Variants in SLC25A48 observed in about 807,000 individuals in gnomAD.
The protein encoded by SLC25A48 is solute carrier family 25 member 48, also known as CTC-321K16.1.
SLC25A48 carries 29 observed loss-of-function variants against 32.2 expected under a neutral mutation model. The ratio of observed to expected loss-of-function variants is 0.90; its 90% CI spans 0.67 to 1.23. SLC25A48 has a LOEUF of 1.23. Among genes scored for constraint, SLC25A48 ranks in the 50% most tolerant of loss-of-function variants. The pLI is 0.00. For missense variants in SLC25A48, 399 were observed against 422.7 expected (o/e 0.94, Z 0.49); for synonymous variants, 164 against 172.3 (o/e 0.95, Z 0.38).
chr5:135,701,334 A>T (rs1266516561), intron 3 of SLC25A48, among the ~76,000 whole-genome samples: 1 of 152,028 alleles, frequency 6.6e-6, no homozygotes, highest in Non-Finnish European at 1.5e-5. Flanking sequence ...ACAACTTCAC[A>T]TCTTGGGAGT....
intron 1 of SLC25A48, among the ~76,000 whole-genome samples, chr5:135,599,493 G>A (rs768834325): frequency 2.0e-5 from 3 of 152,172 alleles, no homozygotes; most frequent in African/African-American, 7.2e-5. Context: ...CTACTATGTC[G>A]TGTTGGGATC....
intron 3 of SLC25A48, among the ~76,000 whole-genome samples, chr5:135,788,113 C>T (rs1331343998): frequency 6.6e-6 from 1 of 151,934 alleles, no homozygotes; most frequent in Non-Finnish European, 1.5e-5. Context: ...TATTGCTCCC[C>T]ATGTGGCGAG....
chr5:135,620,238 C>T (rs959130405), intron 1 of SLC25A48, among the ~76,000 whole-genome samples: 3 of 152,144 alleles, frequency 2.0e-5, no homozygotes, highest in African/African-American at 7.2e-5. Context: ...CTTCAGACCC[C>T]AGGAGAAGTC....
intron 1 of SLC25A48, among the ~76,000 whole-genome samples, chr5:135,624,536 G>C (rs577079305): frequency 2.0e-5 from 3 of 152,330 alleles, no homozygotes; most frequent in Non-Finnish European, 4.4e-5. Context: ...ACAATGGTGT[G>C]AGAATGACTG....
At chr5:135,831,558 G>A (rs1445361611), upstream of SLC25A48, among the ~76,000 whole-genome samples, 1 of 152,226 alleles carries the variant, frequency 6.6e-6, no homozygotes, top group Non-Finnish European at 1.5e-5. Flanking sequence ...AGAAAGGCCT[G>A]TCAGGAGGTG....
intron 3 of SLC25A48, among the ~76,000 whole-genome samples, chr5:135,728,760 A>G (rs1368952802): frequency 6.6e-6 from 1 of 151,884 alleles, no homozygotes; most frequent in African/African-American, 2.4e-5. Flanking sequence ...TTTAGTTATC[A>G]GCTCAGGCCA....
intron 1 of SLC25A48, among the ~76,000 whole-genome samples, chr5:135,623,382 C>T (rs1752368631): frequency 6.6e-6 from 1 of 152,198 alleles, no homozygotes; most frequent in Admixed American, 6.5e-5. Flanking sequence ...TCCCCATCGG[C>T]ATGGTGCTCA....
At chr5:135,687,509 C>G (rs188052624) in intron 3 of SLC25A48, among the ~76,000 whole-genome samples, 7 of 152,268 alleles carry the variant, frequency 4.6e-5, no homozygotes, top group African/African-American at 1.4e-4. Flanking sequence ...TGTTATGACT[C>G]AAAGCATTTT....
chr5:135,762,123 A>G (rs769466228), intron 3 of SLC25A48, among the ~76,000 whole-genome samples: 2 of 152,270 alleles, frequency 1.3e-5, no homozygotes, highest in Non-Finnish European at 2.9e-5. Flanking sequence ...GTGCAGCCAC[A>G]TGTGGCTACT....
chr5:135,712,184 A>G (rs1754683812), intron 3 of SLC25A48, among the ~76,000 whole-genome samples: 1 of 152,204 alleles, frequency 6.6e-6, no homozygotes, highest in African/African-American at 2.4e-5. Flanking sequence ...GGCTGCAAAT[A>G]ACTGCTTAAG....
chr5:135,865,864 A>G (rs1281021074), intron 4 of SLC25A48, among the ~76,000 whole-genome samples: 1 of 152,254 alleles, frequency 6.6e-6, no homozygotes, highest in Non-Finnish European at 1.5e-5. Context: ...CTAAGAAAAC[A>G]AATATGTAAG....
At chr5:135,778,747 T>C (rs368334001) in intron 3 of SLC25A48, among the ~76,000 whole-genome samples, 1 of 976 alleles carries the variant, frequency 1.0e-3, no homozygotes, top group Non-Finnish European at 2.6e-3. Context: ...CTCCCAATAC[T>C]GCAGGGGATG....
At chr5:135,731,828 G>C (rs1004332314) in intron 3 of SLC25A48, among the ~76,000 whole-genome samples, 7 of 152,244 alleles carry the variant, frequency 4.6e-5, no homozygotes, top group African/African-American at 1.7e-4. Flanking sequence ...AAGAGTGGCT[G>C]TTTGGGGATA....
At position 135,882,923 on chromosome 5, in the gene SLC25A48, C is replaced by T. The variant is rs113703219; in HGVS notation, c.*7+2826C>T. 3.3e-4 allele frequency: 118 copies of T among 352,876 alleles called. 1 individual carries two copies. The highest frequency in any genetic ancestry group is 2.5e-3 in the African/African-American group (111 of 45,142). The allele number at this position is 352,876 out of a possible 1,614,324, so 21.9% of individuals were successfully genotyped here. A position where few individuals can be genotyped will look rare whatever the true frequency, so the allele number is the denominator to read the frequency against. ...GAACATTTTCAAATAGCCCCGGCAA[C>T]CCTGAGAGCCTCTGCCAGTCTGTAC... On this transcript the variant is annotated intron_variant, in intron 7 of 7. Transcript: ENST00000681962.
intron 1 of SLC25A48, 162 bp downstream of exon 1, chr5:135,835,055 C>CTTGCAG: frequency 1.2e-6 from 1 of 847,198 alleles, no homozygotes; most frequent in Non-Finnish European, 2.0e-6. Context: ...CCCTGGTGGT[C>CTTGCAG]TTGCAGTTGC....
intron 3 of SLC25A48, among the ~76,000 whole-genome samples, chr5:135,767,324 G>A (rs1395673434): frequency 6.6e-6 from 1 of 151,876 alleles, no homozygotes; most frequent in African/African-American, 2.4e-5. Flanking sequence ...CGTGGAAGGC[G>A]TACACTCGCC....
intron 1 of SLC25A48, among the ~76,000 whole-genome samples, chr5:135,593,583 C>T (rs976321305): frequency 2.0e-5 from 3 of 152,230 alleles, no homozygotes; most frequent in African/African-American, 7.2e-5. Flanking sequence ...CCAAGGGCTT[C>T]TCCCAGGAGG....
chr5:135,778,264 T>C (rs12654915), intron 3 of SLC25A48, among the ~76,000 whole-genome samples: 45,918 of 151,640 alleles, frequency 0.3, 7,108 homozygotes, highest in East Asian at 0.46. Context: ...AAGGATGATA[T>C]TGCTCTCAGT....
chr5:135,748,371 G>A (rs1191037957), intron 3 of SLC25A48, among the ~76,000 whole-genome samples: 2 of 151,256 alleles, frequency 1.3e-5, no homozygotes, highest in South Asian at 2.1e-4. Flanking sequence ...CCTCCTGGGT[G>A]CAAGCGATTC....
Sources: gnomAD v4.1 joint callset for allele counts (sites outside exome capture counted in the v4.1 genomes callset) on GRCh38, gnomAD v4.1.1 for gene constraint, MANE v1.5 for transcripts, NCBI Gene and HGNC (gene_info 2026-07-23, HGNC 2026-07-21) for gene names.